Variants in FAT3 observed in about 807,000 individuals in gnomAD.
FAT3 encodes the protein protocadherin Fat 3.
Under a neutral mutation model 310.2 loss-of-function variants are expected in FAT3, and 95 were observed. The ratio of observed to expected loss-of-function variants is 0.31; its 90% CI spans 0.26 to 0.36. FAT3 has a LOEUF of 0.36. FAT3 is among the 10% of genes least tolerant of loss of function. FAT3 has a pLI of 1.00. For missense variants in FAT3, 5,408 were observed against 5,715.6 expected (o/e 0.95, Z 1.74); for synonymous variants, 2,314 against 2,192.9 (o/e 1.06, Z -1.54).
chr11:92,246,677 C>A (rs964965679), intron 1 of FAT3, among the ~76,000 whole-genome samples: 1 of 152,036 alleles, frequency 6.6e-6, no homozygotes, highest in Non-Finnish European at 1.5e-5. Context: ...TTGGAGTAGA[C>A]AATGTGGCAG....
In FAT3 at chr11:92,336,414, C is replaced by T. The variant is rs186053424; in HGVS notation, c.-17-15682C>T. On this transcript the variant is annotated intron_variant, in intron 1 of 27. Transcript: ENST00000525166. ...AGTCCTGGAGAAGCTGGATTCCCAG[C>T]GGAGGTGGGTGGCCAAGAGCCTTTG... 9.5e-4 allele frequency: 318 copies of T among 333,214 alleles called. 7 individuals are homozygous for T. In the East Asian group the frequency reaches 0.018, roughly 18 times the overall value. 20.6% of individuals were successfully genotyped at this position (333,214 alleles called of 1,614,324 possible). A position where few individuals can be genotyped will look rare whatever the true frequency, so the allele number is the denominator to read the frequency against.
intron 4 of FAT3, among the ~76,000 whole-genome samples, chr11:92,760,265 C>T (rs775046382): frequency 2.0e-5 from 3 of 152,206 alleles, no homozygotes; most frequent in African/African-American, 7.2e-5. Context: ...AAGCTATCCT[C>T]CTAGGCAGCT....
At chr11:92,330,044 G>A (rs1269562052) in intron 1 of FAT3, among the ~76,000 whole-genome samples, 2 of 152,098 alleles carry the variant, frequency 1.3e-5, no homozygotes, top group African/African-American at 2.4e-5. Flanking sequence ...GCAACACTTA[G>A]CATGAGAAGA....
At chr11:92,768,684 G>A (rs1946384080) in intron 6 of FAT3, among the ~76,000 whole-genome samples, 1 of 152,146 alleles carries the variant, frequency 6.6e-6, no homozygotes, top group South Asian at 2.1e-4. Flanking sequence ...GAGGAAAGAG[G>A]GAACAATGCG....
At chr11:92,266,282 T>G (rs950982603) in intron 1 of FAT3, among the ~76,000 whole-genome samples, 1 of 152,168 alleles carries the variant, frequency 6.6e-6, no homozygotes, top group African/African-American at 2.4e-5. Flanking sequence ...CTGGCCTCAC[T>G]ATGAAAAAGT....
intron 3 of FAT3, among the ~76,000 whole-genome samples, chr11:92,657,317 A>G (rs916640594): frequency 1.3e-5 from 2 of 152,212 alleles, no homozygotes; most frequent in African/African-American, 4.8e-5. Context: ...CTGAACAAAG[A>G]TAATCATGAA....
intron 1 of FAT3, among the ~76,000 whole-genome samples, chr11:92,276,340 G>A (rs890231529): frequency 7.2e-5 from 11 of 152,208 alleles, no homozygotes; most frequent in African/African-American, 1.9e-4. Flanking sequence ...CTGCGAGTAA[G>A]CATTTTATCT....
chr11:92,249,124 T>C (rs1286264670), intron 1 of FAT3, among the ~76,000 whole-genome samples: 2 of 152,110 alleles, frequency 1.3e-5, no homozygotes, highest in Admixed American at 6.6e-5. Context: ...AAAACACTTA[T>C]TTGTTATTTA....
intron 4 of FAT3, among the ~76,000 whole-genome samples, chr11:92,748,564 C>T (rs1010018558): frequency 6.6e-6 from 1 of 152,034 alleles, no homozygotes; most frequent in Admixed American, 6.6e-5. Context: ...CCCTTATAAA[C>T]CATTCCACAA....
intron 1 of FAT3, among the ~76,000 whole-genome samples, chr11:92,231,198 G>C (rs1321120057): frequency 6.6e-6 from 1 of 152,080 alleles, no homozygotes; most frequent in East Asian, 1.9e-4. Context: ...TTAGTCCTCT[G>C]TTTTCCTATG....
chr11:92,849,366 G>A (rs1165397496), intron 19 of FAT3, among the ~76,000 whole-genome samples: 1 of 152,014 alleles, frequency 6.6e-6, no homozygotes. Context: ...ACCAGTACTG[G>A]GAGCTCACAA....
chr11:92,239,372 T>C (rs1187168), intron 1 of FAT3, among the ~76,000 whole-genome samples: 3,416 of 152,144 alleles, frequency 0.022, 119 homozygotes, highest in African/African-American at 0.077. Context: ...ATGGCAAATA[T>C]GGTTTGAGTT....
intron 4 of FAT3, among the ~76,000 whole-genome samples, chr11:92,727,594 A>G (rs186381854): frequency 2.6e-5 from 4 of 152,296 alleles, no homozygotes; most frequent in Non-Finnish European, 5.9e-5. Context: ...GCTGAGCATC[A>G]TCATCAGTCA....
intron 17 of FAT3, among the ~76,000 whole-genome samples, chr11:92,838,804 C>T (rs540831548): frequency 5.3e-5 from 8 of 152,138 alleles, no homozygotes; most frequent in Non-Finnish European, 1.2e-4. Flanking sequence ...ACCCCAGGGC[C>T]ACTGAGCTGT....
intron 2 of FAT3, among the ~76,000 whole-genome samples, chr11:92,451,892 A>G (rs1443167606): frequency 6.6e-6 from 1 of 152,224 alleles, no homozygotes; most frequent in Non-Finnish European, 1.5e-5. Context: ...GGTGCCCCAC[A>G]TCAACTGGTC....
chr11:92,753,798 G>GTATATATATATATATATATATATATA (rs1555140308), intron 4 of FAT3, among the ~76,000 whole-genome samples: 4 of 119,160 alleles, frequency 3.4e-5, no homozygotes, highest in South Asian at 2.5e-4. Context: ...GTGTGTGTGT[G>GTATATATATATATATATATATATATA]TATATATATA....
intron 19 of FAT3, among the ~76,000 whole-genome samples, chr11:92,847,673 T>G (rs751450927): frequency 6.6e-6 from 1 of 152,142 alleles, no homozygotes; most frequent in Non-Finnish European, 1.5e-5. Flanking sequence ...CCTGGATGAC[T>G]CTAATGTTAC....
intron 13 of FAT3, among the ~76,000 whole-genome samples, chr11:92,827,773 A>C (rs1948138394): frequency 6.6e-6 from 1 of 151,890 alleles, no homozygotes; most frequent in African/African-American, 2.4e-5. Flanking sequence ...CTCCTATCCC[A>C]CTCCACAAAT....
chr11:92,225,076 G>A lies in FAT3; in HGVS notation c.-116G>A, dbSNP rs1053046013. Among the ~76,000 whole-genome samples the A allele has an allele frequency of 6.6e-6, 1 of 152,274 alleles. No homozygotes were observed. Among genetic ancestry groups the A allele is most frequent in the Admixed American group, 6.5e-5 (1 of 15,306 alleles). The stretch of plus-strand genomic sequence containing the variant: ...GGTGGGCGCTGCGGCGGCAGCAGCC[G>A]GGGGACCGGCTCGCCCGGAGCAAGA... On this transcript the variant is annotated 5_prime_UTR_variant, in exon 1 of 28. Transcript: ENST00000525166.
Sources: gnomAD v4.1 joint callset for allele counts (sites outside exome capture counted in the v4.1 genomes callset) on GRCh38, gnomAD v4.1.1 for gene constraint, MANE v1.5 for transcripts, NCBI Gene and HGNC (gene_info 2026-07-23, HGNC 2026-07-21) for gene names.